SDF2: variants seen among roughly 807,000 people sequenced by gnomAD.
SDF2 encodes stromal cell-derived factor 2.
In SDF2, 12 loss-of-function variants were observed where a neutral mutation model predicts 20.5. The observed-to-expected ratio is 0.58, with a 90% confidence interval of 0.37 to 0.95. The LOEUF (loss-of-function observed/expected upper bound fraction) is 0.95. SDF2 is among the 40% of genes least tolerant of loss of function. The probability of loss-of-function intolerance (pLI) is 0.01; values close to 1 mark genes in which losing one functional copy is unlikely to be tolerated. For missense variants in SDF2, 238 were observed against 263.1 expected (o/e 0.90, Z 0.66); for synonymous variants, 100 against 101.0 (o/e 0.99, Z 0.06).
At position 28,655,398 on chromosome 17, in the gene SDF2, C is replaced by T. The variant is rs781581029; in HGVS notation, c.237G>A (p.Val79=). Residue 79 remains valine (V), a synonymous_variant, in exon 2 of 3, where the codon GTG becomes GTA. Transcript: ENST00000247020. ...ACTTGATGGGGGTTCCCCTCTCACACACTGTGGCACTCTTCCCCCGTATCC... is the reference window on the plus strand; with the variant it reads ...ACTTGATGGGGGTTCCCCTCTCACATACTGTGGCACTCTTCCCCCGTATCC... ...YWRIRGKSAT[V]CERGTPIKCG... 8 of 1,614,248 alleles carry T rather than the reference C, an allele frequency of 5.0e-6. No homozygotes were observed. The highest frequency in any genetic ancestry group is 5.9e-6 in the Non-Finnish European group (7 of 1,180,044).
intron 2 of SDF2, 43 bp downstream of exon 2, chr17:28,655,240 CCACT>C (rs545006395): frequency 7.7e-6 from 12 of 1,552,590 alleles, no homozygotes; most frequent in Middle Eastern, 2.1e-4. Context: ...AAACAAGCAC[CCACT>C]GAGTAATGCA....
Position 28,648,615 on chromosome 17 carries a change from T to G in SDF2, c.*374A>C. On this transcript the variant is annotated 3_prime_UTR_variant, in exon 3 of 3. Coordinates refer to ENST00000247020, the MANE Select transcript of SDF2 (RefSeq NM_006923.4). Reference sequence around the variant, plus strand: ...CATAATAAAATTATTGTTTTTATCATTTTGGAGAGAGAAAATAGGGGGAAA... The same window carrying G: ...CATAATAAAATTATTGTTTTTATCAGTTTGGAGAGAGAAAATAGGGGGAAA... 1 of 233,470 alleles carries G rather than the reference T, an allele frequency of 4.3e-6. No homozygotes were observed. Among genetic ancestry groups the G allele is most frequent in the Non-Finnish European group, 8.5e-6 (1 of 118,210 alleles). 14.5% of individuals were successfully genotyped at this position (233,470 alleles called of 1,614,324 possible).
Position 28,648,674 on chromosome 17 carries a change from C to G in SDF2, c.*315G>C. 1 of 380,446 alleles carries G rather than the reference C, an allele frequency of 2.6e-6. No individual in the cohort carries two copies. Among genetic ancestry groups the G allele is most frequent in the South Asian group, 3.7e-5 (1 of 27,224 alleles). 23.6% of individuals were successfully genotyped at this position (380,446 alleles called of 1,614,324 possible). On this transcript the variant is annotated 3_prime_UTR_variant, in exon 3 of 3. Transcript: ENST00000247020. ...CATTAACAGTCCATGATGCCAAGCTCCTGAAGAGTAAAAGTTTCCCAGCTA... is the reference window on the plus strand; with the variant it reads ...CATTAACAGTCCATGATGCCAAGCTGCTGAAGAGTAAAAGTTTCCCAGCTA...
intron 1 of SDF2, among the ~76,000 whole-genome samples, chr17:28,658,015 C>A (rs1480879670): frequency 2.6e-5 from 4 of 152,136 alleles, no homozygotes; most frequent in African/African-American, 7.2e-5. Context: ...CTATCAGCTC[C>A]TTTCATGACT....
chr17:28,655,377 G>A lies in SDF2; in HGVS notation c.258C>T (p.Ile86=). The A allele has an allele frequency of 6.2e-7, 1 of 1,614,254 alleles. No homozygotes were observed. Among genetic ancestry groups the A allele is most frequent in the Non-Finnish European group, 8.5e-7 (1 of 1,180,042 alleles). The change falls in exon 2 of 3, where the codon ATC becomes ATT. Residue 86 remains isoleucine, a synonymous_variant. Coordinates refer to ENST00000247020, the MANE Select transcript of SDF2 (RefSeq NM_006923.4). Reference sequence around the variant, plus strand: ...TCAGCCGGATGGGCTGGCCACACTTGATGGGGGTTCCCCTCTCACACACTG... The same window carrying A: ...TCAGCCGGATGGGCTGGCCACACTTAATGGGGGTTCCCCTCTCACACACTG... ...SATVCERGTP[I]KCGQPIRLTH...
In SDF2 at chr17:28,661,719, G is replaced by A. The variant is rs1376654526; in HGVS notation, c.151+7C>T. 1 of 1,610,794 alleles carries A rather than the reference G, an allele frequency of 6.2e-7. No individual in the cohort carries two copies. The highest frequency in any genetic ancestry group is 8.5e-7 in the Non-Finnish European group (1 of 1,177,330). The stretch of plus-strand genomic sequence containing the variant: ...CTAGCCCACCCGAGCCCGGTCCCCA[G>A]CATTACCTGACCCATAGCGCACGTC... On this transcript the variant is annotated splice_region_variant and intron_variant, in intron 1 of 2. Transcript: ENST00000247020.
At chr17:28,654,354 TAA>T (rs111562932) in intron 2 of SDF2, among the ~76,000 whole-genome samples, 8 of 139,192 alleles carry the variant, frequency 5.7e-5, no homozygotes, top group Non-Finnish European at 7.9e-5. Flanking sequence ...TTAGCATCAT[TAA>T]AAAAAAAAAA....
intron 1 of SDF2, among the ~76,000 whole-genome samples, chr17:28,659,997 G>A (rs536377993): frequency 3.3e-5 from 5 of 152,324 alleles, no homozygotes; most frequent in Non-Finnish European, 5.9e-5. Context: ...CCAGCACCTC[G>A]GGAGGCTGAG....
chr17:28,661,539 A>C (rs1456210722), intron 1 of SDF2, among the ~76,000 whole-genome samples, 187 bp downstream of exon 1: 1 of 152,176 alleles, frequency 6.6e-6, no homozygotes, highest in Non-Finnish European at 1.5e-5. Context: ...GTAGCTCACC[A>C]AATATTAGGT....
chr17:28,649,895 C>T (rs2071898999), intron 2 of SDF2, among the ~76,000 whole-genome samples: 1 of 133,604 alleles, frequency 7.5e-6, no homozygotes. Flanking sequence ...AGCAAGACCC[C>T]ATCTCAAAAA....
intron 2 of SDF2, among the ~76,000 whole-genome samples, chr17:28,653,669 G>A (rs534335790): frequency 2.6e-5 from 4 of 152,056 alleles, no homozygotes; most frequent in South Asian, 2.1e-4. Context: ...AAAATCAGCC[G>A]GGCGTGGTGG....
intron 1 of SDF2, chr17:28,661,083 TAAAAAAAAAAA>T (rs11385140): frequency 9.5e-6 from 3 of 314,558 alleles, no homozygotes; most frequent in South Asian, 2.2e-5. Context: ...TTTCAAACGC[TAAAAAAAAAAA>T]AAAAAAAAAG....
chr17:28,648,533 T>TCAAAGGATTAAG lies in SDF2; in HGVS notation c.*444_*455dup, dbSNP rs1222546129. 2 of 171,946 alleles carry TCAAAGGATTAAG rather than the reference T, an allele frequency of 1.2e-5. No individual in the cohort carries two copies. Among genetic ancestry groups the TCAAAGGATTAAG allele is most frequent in the African/African-American group, 2.4e-5 (1 of 41,848 alleles). The allele number at this position is 171,946 out of a possible 1,614,324, so 10.7% of individuals were successfully genotyped here. A position where few individuals can be genotyped will look rare whatever the true frequency, so the allele number is the denominator to read the frequency against. On this transcript the variant is annotated 3_prime_UTR_variant, in exon 3 of 3. Transcript: ENST00000247020. ...TAGCGTCTCCAAAGAGTCTTAGGACTCAAAGGATTAAGCAGCTAATGAAAT... is the reference window on the plus strand; with the variant it reads ...TAGCGTCTCCAAAGAGTCTTAGGACTCAAAGGATTAAGCAAAGGATTAAGCAGCTAATGAAAT...
intron 2 of SDF2, among the ~76,000 whole-genome samples, chr17:28,651,066 G>T (rs920242827): frequency 4.0e-5 from 6 of 150,832 alleles, no homozygotes; most frequent in Non-Finnish European, 5.9e-5. Context: ...CACCGTGCTG[G>T]CTTTAAAATA....
chr17:28,658,912 G>A (rs556709100), intron 1 of SDF2, among the ~76,000 whole-genome samples: 59 of 146,660 alleles, frequency 4.0e-4, no homozygotes, highest in African/African-American at 1.5e-3. Flanking sequence ...CAGGGTGGCC[G>A]GGCAGAGGAG....
At chr17:28,654,555 C>T (rs2151582348) in intron 2 of SDF2, among the ~76,000 whole-genome samples, 1 of 152,276 alleles carries the variant, frequency 6.6e-6, no homozygotes, top group Middle Eastern at 3.4e-3. Flanking sequence ...TGGCTCATGC[C>T]TATAATCCCA....
At chr17:28,661,103 A>AAG in intron 1 of SDF2, 2 of 397,676 alleles carry the variant, frequency 5.0e-6, no homozygotes, top group South Asian at 3.6e-5. Flanking sequence ...AAAAAAAAAA[A>AAG]GCAGTTTTCT....
At chr17:28,649,369 A>G in intron 2 of SDF2, 93 bp from the exon 3 acceptor site, 1 of 1,250,944 alleles carries the variant, frequency 8.0e-7, no homozygotes, top group Non-Finnish European at 1.1e-6. Flanking sequence ...GCCACCTTGA[A>G]GTAAAAAATC....
chr17:28,661,965 G>T, upstream of SDF2: 1 of 1,445,090 alleles, frequency 6.9e-7, no homozygotes, highest in Non-Finnish European at 9.5e-7. Flanking sequence ...CGGAGAGAAG[G>T]AAGTGAAGAA....
Sources: gnomAD v4.1 joint callset for allele counts (sites outside exome capture counted in the v4.1 genomes callset) on GRCh38, gnomAD v4.1.1 for gene constraint, MANE v1.5 for transcripts, NCBI Gene and HGNC (gene_info 2026-07-23, HGNC 2026-07-21) for gene names.